The following CDH2 variants were observed in gnomAD, a reference collection of about 807,000 sequenced individuals.
The protein encoded by CDH2 is cadherin-2.
CDH2 carries 17 observed loss-of-function variants against 92.0 expected under a neutral mutation model. That is an observed-to-expected ratio of 0.18 (90% CI 0.13 to 0.28). CDH2 has a LOEUF of 0.28. Among genes scored for constraint, CDH2 ranks in the 10% least tolerant of loss-of-function variants. The pLI, the probability that CDH2 is intolerant of heterozygous loss-of-function variation, is 1.00. For missense variants in CDH2, 862 were observed against 1,133.1 expected (o/e 0.76, Z 3.44); for synonymous variants, 419 against 415.9 (o/e 1.01, Z -0.09).
intron 2 of CDH2, among the ~76,000 whole-genome samples, chr18:28,058,132 C>T (rs1567982197): frequency 6.6e-6 from 1 of 152,184 alleles, no homozygotes; most frequent in Non-Finnish European, 1.5e-5. Context: ...ACAGTGTTCT[C>T]TGGTTGGATC....
At chr18:28,174,065 A>C (rs1177154066) in intron 1 of CDH2, among the ~76,000 whole-genome samples, 1 of 152,154 alleles carries the variant, frequency 6.6e-6, no homozygotes, top group Non-Finnish European at 1.5e-5. Flanking sequence ...AGACTAACTA[A>C]ACTAGTAATT....
At chr18:28,044,191 G>A (rs1017827790) in intron 2 of CDH2, among the ~76,000 whole-genome samples, 1 of 152,130 alleles carries the variant, frequency 6.6e-6, no homozygotes, top group Non-Finnish European at 1.5e-5. Flanking sequence ...AGGATTACAG[G>A]CATGGGCCAC....
intron 2 of CDH2, among the ~76,000 whole-genome samples, chr18:28,088,615 C>T (rs2014980842): frequency 6.6e-6 from 1 of 152,042 alleles, no homozygotes; most frequent in South Asian, 2.1e-4. Context: ...GTAAGTCTGT[C>T]CGAGAGGCAT....
intron 2 of CDH2, among the ~76,000 whole-genome samples, chr18:28,051,561 T>C (rs1244444699): frequency 6.6e-6 from 1 of 152,176 alleles, no homozygotes; most frequent in African/African-American, 2.4e-5. Context: ...GTGCTGAACT[T>C]TTTAAAATTA....
intron 7 of CDH2, among the ~76,000 whole-genome samples, chr18:27,999,116 T>C (rs1262736855): frequency 6.6e-6 from 1 of 152,130 alleles, no homozygotes; most frequent in Non-Finnish European, 1.5e-5. Context: ...GATTAGCCTG[T>C]TATGTAGGAG....
downstream of CDH2, among the ~76,000 whole-genome samples, chr18:27,947,397 T>C (rs1258591640): frequency 6.6e-6 from 1 of 151,832 alleles, no homozygotes; most frequent in Non-Finnish European, 1.5e-5. Flanking sequence ...TTGGATAGAA[T>C]AGTAAATGAA....
At chr18:27,971,120 C>T (rs2011645478) in intron 14 of CDH2, among the ~76,000 whole-genome samples, 1 of 152,004 alleles carries the variant, frequency 6.6e-6, no homozygotes, top group African/African-American at 2.4e-5. Flanking sequence ...CCTGTAATCC[C>T]AGCTACTCAA....
chr18:28,151,302 CT>C (rs1446077306), intron 1 of CDH2, among the ~76,000 whole-genome samples: 1 of 152,326 alleles, frequency 6.6e-6, no homozygotes, highest in East Asian at 1.9e-4. Flanking sequence ...ACATTTTTAG[CT>C]GTCACAACTG....
At chr18:28,043,890 ATTT>A (rs67532914) in intron 2 of CDH2, among the ~76,000 whole-genome samples, 1 of 91,466 alleles carries the variant, frequency 1.1e-5, no homozygotes, top group Non-Finnish European at 2.2e-5. Flanking sequence ...AGAATCTCGG[ATTT>A]TTTTTTTTTT....
At chr18:28,174,664 A>G (rs2016511437) in intron 1 of CDH2, among the ~76,000 whole-genome samples, 1 of 152,236 alleles carries the variant, frequency 6.6e-6, no homozygotes, top group Non-Finnish European at 1.5e-5. Context: ...GAAAAAACTG[A>G]CAGAAAATTC....
At chr18:28,090,948 A>C (rs1291551553) in intron 2 of CDH2, among the ~76,000 whole-genome samples, 3 of 152,192 alleles carry the variant, frequency 2.0e-5, no homozygotes, top group Non-Finnish European at 4.4e-5. Context: ...ATAGTGGTTG[A>C]ATCACAAGAG....
intron 1 of CDH2, among the ~76,000 whole-genome samples, chr18:28,173,708 CG>C (rs1315383753): frequency 6.6e-6 from 1 of 151,962 alleles, no homozygotes; most frequent in Non-Finnish European, 1.5e-5. Flanking sequence ...CCCATACAAA[CG>C]TATTTAAATT....
chr18:28,026,795 C>T (rs970801614), intron 2 of CDH2, among the ~76,000 whole-genome samples: 1 of 152,170 alleles, frequency 6.6e-6, no homozygotes, highest in African/African-American at 2.4e-5. Context: ...ACTTGCCATG[C>T]TGCTAAATAT....
chr18:28,075,906 TTC>T (rs2014709891), intron 2 of CDH2, among the ~76,000 whole-genome samples: 1 of 152,208 alleles, frequency 6.6e-6, no homozygotes, highest in Admixed American at 6.6e-5. Context: ...AGAATGGTAA[TTC>T]TTCTTATTTA....
At chr18:28,176,090 G>A (rs1326317756) in intron 1 of CDH2, among the ~76,000 whole-genome samples, 1 of 152,206 alleles carries the variant, frequency 6.6e-6, no homozygotes, top group African/African-American at 2.4e-5. Flanking sequence ...GACTGGAGCA[G>A]GTGCTTCCTG....
intron 1 of CDH2, among the ~76,000 whole-genome samples, chr18:28,160,273 G>T (rs1337450550): frequency 6.6e-6 from 1 of 152,118 alleles, no homozygotes; most frequent in East Asian, 1.9e-4. Context: ...TTGGGTGAGG[G>T]ATGCCACAAT....
chr18:28,154,100 C>T (rs2016169861), intron 1 of CDH2, among the ~76,000 whole-genome samples: 1 of 152,218 alleles, frequency 6.6e-6, no homozygotes, highest in Admixed American at 6.5e-5. Context: ...CTCAAAACGG[C>T]ACAGCTACCT....
intron 6 of CDH2, among the ~76,000 whole-genome samples, chr18:27,943,527 G>A (rs1014971859): frequency 1.3e-5 from 2 of 152,198 alleles, no homozygotes; most frequent in African/African-American, 2.4e-5. Context: ...CTGGGGTAAC[G>A]CTATTAACTG....
intron 2 of CDH2, among the ~76,000 whole-genome samples, chr18:28,019,119 G>C (rs1165912213): frequency 6.6e-6 from 1 of 151,844 alleles, no homozygotes; most frequent in Non-Finnish European, 1.5e-5. Context: ...TGTAAATGAT[G>C]CAATGGACTT....
Sources: gnomAD v4.1 joint callset for allele counts (sites outside exome capture counted in the v4.1 genomes callset) on GRCh38, gnomAD v4.1.1 for gene constraint, MANE v1.5 for transcripts, NCBI Gene and HGNC (gene_info 2026-07-23, HGNC 2026-07-21) for gene names.